The following PRH1 variants were observed in gnomAD, a reference collection of about 807,000 sequenced individuals.
PRH1 encodes proline rich protein HaeIII subfamily 1, also known as salivary acidic proline-rich phosphoprotein 1/2.
Under a neutral mutation model 7.9 loss-of-function variants are expected in PRH1, and 7 were observed. The observed-to-expected ratio is 0.89, with a 90% CI of 0.50 to 1.67. The LOEUF (loss-of-function observed/expected upper bound fraction) is 1.67. Ranked by LOEUF, PRH1 falls within the 40% of genes most tolerant of loss-of-function variation. PRH1 has a pLI of 0.00. For missense variants in PRH1, 109 were observed against 223.6 expected, an observed-to-expected ratio of 0.49 and a Z score of 3.27; for synonymous variants, 45 against 80.8, an observed-to-expected ratio of 0.56 and a Z score of 2.38.
intron 1 of PRH1, among the ~76,000 whole-genome samples, chr12:11,042,247 T>A (rs1027744497): frequency 1.1e-4 from 16 of 151,658 alleles, no homozygotes; most frequent in African/African-American, 3.9e-4. Flanking sequence ...GAAAAAAAGA[T>A]CCAAATTAAT....
At chr12:10,974,624 A>C (rs1259319159) in intron 1 of PRH1, among the ~76,000 whole-genome samples, 1 of 151,718 alleles carries the variant, frequency 6.6e-6, no homozygotes. Context: ...AAGATAAAAG[A>C]AAAAAAAAGA....
chr12:10,897,674 T>C (rs1433918174), intron 2 of PRH1, among the ~76,000 whole-genome samples: 3 of 152,136 alleles, frequency 2.0e-5, no homozygotes, highest in Non-Finnish European at 4.4e-5. Flanking sequence ...GGAAATCAGA[T>C]ACATCTTCAC....
At chr12:11,065,240 T>C (rs1943759404) in intron 1 of PRH1, among the ~76,000 whole-genome samples, 1 of 152,120 alleles carries the variant, frequency 6.6e-6, no homozygotes, top group South Asian at 2.1e-4. Flanking sequence ...GTCTTTTCCT[T>C]TAGTTACCTT....
At chr12:10,954,305 G>T (rs1385102355) in intron 2 of PRH1, among the ~76,000 whole-genome samples, 1 of 151,656 alleles carries the variant, frequency 6.6e-6, no homozygotes, top group African/African-American at 2.4e-5. Flanking sequence ...CAACTAAAAG[G>T]CACATAGAGG....
chr12:10,925,885 GT>G (rs1950116211), intron 2 of PRH1, among the ~76,000 whole-genome samples: 1 of 152,050 alleles, frequency 6.6e-6, no homozygotes, highest in Non-Finnish European at 1.5e-5. Context: ...TAAGAACATT[GT>G]TATGTACCTA....
At chr12:11,042,623 C>CTTTTTTTTTTTTTTTTTTTTTTTTTTTT (rs71051557) in intron 1 of PRH1, among the ~76,000 whole-genome samples, 6 of 79,312 alleles carry the variant, frequency 7.6e-5, no homozygotes, top group African/African-American at 1.6e-4. Flanking sequence ...CAGGCTCATT[C>CTTTTTTTTTTTTTTTTTTTTTTTTTTTT]TTTTTTTTTT....
intron 1 of PRH1, among the ~76,000 whole-genome samples, chr12:10,980,238 GATAC>G (rs1939289803): frequency 6.6e-6 from 1 of 152,060 alleles, no homozygotes; most frequent in South Asian, 2.1e-4. Flanking sequence ...TGATTACTGC[GATAC>G]TGAGACACTA....
At chr12:10,899,534 T>C (rs1191781113) in intron 2 of PRH1, among the ~76,000 whole-genome samples, 1 of 152,134 alleles carries the variant, frequency 6.6e-6, no homozygotes, top group Non-Finnish European at 1.5e-5. Flanking sequence ...GGGGAATGAG[T>C]TGTTTTTCAT....
At chr12:10,909,242 A>G in intron 2 of PRH1, 1 of 1,613,778 alleles carries the variant, frequency 6.2e-7, no homozygotes, top group Admixed American at 1.7e-5. Context: ...TCAAATTCCC[A>G]ATTATGAATT....
intron 1 of PRH1, among the ~76,000 whole-genome samples, chr12:11,038,526 A>G: frequency 6.6e-6 from 1 of 152,234 alleles, no homozygotes. Flanking sequence ...TTCCATCTTG[A>G]TAATTCTTCT....
intron 1 of PRH1, among the ~76,000 whole-genome samples, chr12:11,068,934 G>A (rs9697273): frequency 8.4e-6 from 1 of 119,758 alleles, no homozygotes; most frequent in Non-Finnish European, 1.8e-5. Flanking sequence ...TTGAGACATG[G>A]TCTCACTCTG....
At chr12:10,916,472 TC>T (rs1481586073) in intron 2 of PRH1, among the ~76,000 whole-genome samples, 2 of 151,982 alleles carry the variant, frequency 1.3e-5, no homozygotes, top group East Asian at 1.9e-4. Flanking sequence ...CTTATATTCT[TC>T]CCCCAACTCA....
intron 1 of PRH1, chr12:10,997,064 T>C (rs2136007762): frequency 1.9e-6 from 3 of 1,614,064 alleles, no homozygotes; most frequent in African/African-American, 1.3e-5. Flanking sequence ...GAATGATGGA[T>C]ATATGATTCC....
intron 2 of PRH1, chr12:10,909,079 C>T: frequency 6.2e-7 from 1 of 1,613,578 alleles, no homozygotes; most frequent in Non-Finnish European, 8.5e-7. Context: ...ACAAATATGG[C>T]TAGATAATGC....
At chr12:10,901,071 G>C (rs944911208) in intron 2 of PRH1, among the ~76,000 whole-genome samples, 3 of 152,142 alleles carry the variant, frequency 2.0e-5, no homozygotes, top group African/African-American at 7.2e-5. Context: ...GCATACCCTA[G>C]CATTCAAAGC....
chr12:10,919,844 T>A (rs187412328), intron 2 of PRH1, among the ~76,000 whole-genome samples: 9 of 152,056 alleles, frequency 5.9e-5, no homozygotes, highest in Non-Finnish European at 1.0e-4. Context: ...TTGATTTTTT[T>A]AATAATTTTT....
At chr12:11,106,207 T>A (rs1191441383) in intron 1 of PRH1, among the ~76,000 whole-genome samples, 1 of 149,870 alleles carries the variant, frequency 6.7e-6, no homozygotes, top group Non-Finnish European at 1.5e-5. Flanking sequence ...CCCAAAGTGC[T>A]GGGATTACAG....
chr12:11,148,424 C>T (rs7974485), intron 1 of PRH1, among the ~76,000 whole-genome samples: 42,463 of 120,710 alleles, frequency 0.35, 6,368 homozygotes, highest in Non-Finnish European at 0.43. Flanking sequence ...GGCTGTGGGT[C>T]TGTCATAGAT....
At chr12:11,068,825 C>A (rs1191725448) in intron 1 of PRH1, among the ~76,000 whole-genome samples, 1 of 152,140 alleles carries the variant, frequency 6.6e-6, no homozygotes, top group African/African-American at 2.4e-5. Context: ...GATGGTGGGT[C>A]ACCCTCACTC....
Sources: allele counts gnomAD v4.1 joint callset (sites outside exome capture counted in the v4.1 genomes callset), GRCh38; gene constraint gnomAD v4.1.1; transcripts MANE v1.5; gene names NCBI Gene and HGNC (gene_info 2026-07-23, HGNC 2026-07-21).